PATJ: variants seen among roughly 807,000 people sequenced by gnomAD.
PATJ encodes the protein PATJ crumbs cell polarity complex component.
PATJ carries 190 observed loss-of-function variants against 224.9 expected under a neutral mutation model. The observed-to-expected ratio is 0.84, with a 90% CI of 0.75 to 0.95. The LOEUF (loss-of-function observed/expected upper bound fraction) is 0.95. Ranked by LOEUF, PATJ falls within the 40% of genes least tolerant of loss-of-function variation. The pLI, the probability that PATJ is intolerant of heterozygous loss-of-function variation, is 0.00. For missense variants in PATJ, 2,121 were observed against 2,270.3 expected (o/e 0.93, Z 1.34); for synonymous variants, 769 against 820.3 (o/e 0.94, Z 1.07).
intron 30 of PATJ, among the ~76,000 whole-genome samples, chr1:62,041,473 G>A (rs1198340922): frequency 6.6e-6 from 1 of 152,146 alleles, no homozygotes; most frequent in South Asian, 2.1e-4. Context: ...TGGATGAAGT[G>A]TTGGTATTGG....
At chr1:61,743,315 A>G (rs747250251) in intron 1 of PATJ, among the ~76,000 whole-genome samples, 3 of 152,254 alleles carry the variant, frequency 2.0e-5, no homozygotes, top group Admixed American at 1.3e-4. Flanking sequence ...AAAGCGCCCC[A>G]GCCGTCCCGC....
chr1:62,066,197 T>C (rs369137029), intron 31 of PATJ, among the ~76,000 whole-genome samples: 51 of 152,328 alleles, frequency 3.3e-4, no homozygotes, highest in African/African-American at 1.2e-3. Flanking sequence ...ATGCATTCTA[T>C]AGGCATTATT....
chr1:61,982,460 C>T (rs1644500486), intron 27 of PATJ, among the ~76,000 whole-genome samples: 1 of 151,978 alleles, frequency 6.6e-6, no homozygotes, highest in African/African-American at 2.4e-5. Flanking sequence ...CAGGTCACCT[C>T]AGTTCTCTGA....
chr1:61,758,093 T>C (rs762764088), intron 1 of PATJ, among the ~76,000 whole-genome samples: 1 of 152,188 alleles, frequency 6.6e-6, no homozygotes, highest in Non-Finnish European at 1.5e-5. Context: ...AAGGGTTGGA[T>C]TGTCAAAGCA....
chr1:61,821,377 T>G (rs993721711), intron 14 of PATJ, among the ~76,000 whole-genome samples: 2 of 152,210 alleles, frequency 1.3e-5, no homozygotes, highest in Non-Finnish European at 2.9e-5. Context: ...TTTAGAGAAC[T>G]AGAACATCTT....
rs984288307 is a variant in PATJ at position 61,769,036 on chromosome 1, A to G, written c.385-247A>G. ...TTCCATCCAGCTTGGAATTCATCTC[A>G]TAATGTGAATGAAGTGTGAAAATAC... is the stretch of plus-strand genomic sequence containing the variant. On this transcript the variant is annotated intron_variant, in intron 4 of 43. Coordinates refer to ENST00000642238, the MANE Select transcript of PATJ (RefSeq NM_001350145.3). Among the ~76,000 whole-genome samples, 4 of 152,346 alleles carry G rather than the reference A, an allele frequency of 2.6e-5. No individual in the cohort carries two copies. The East Asian group carries it at 7.7e-4, about 29-fold the overall frequency.
rs112793058 is a variant in PATJ, at chr1:61,770,711, A to G, written c.525-720A>G. ...AATCCCAGCACTTTGGGAGTTCAAG[A>G]TCAGCCTGGGTAACATAGCAAAACC... On this transcript the variant is annotated intron_variant, in intron 5 of 43. Coordinates refer to ENST00000642238, the MANE Select transcript of PATJ (RefSeq NM_001350145.3). Among the ~76,000 whole-genome samples, 894 of 152,162 alleles carry G rather than the reference A, an allele frequency of 5.9e-3. 3 individuals are homozygous for G. Among genetic ancestry groups the G allele is most frequent in the Non-Finnish European group, 8.4e-3 (570 of 68,002 alleles).
At chr1:62,157,206 C>A (rs931215958) in intron 43 of PATJ, among the ~76,000 whole-genome samples, 21 of 151,680 alleles carry the variant, frequency 1.4e-4, no homozygotes, top group Middle Eastern at 6.8e-3. Flanking sequence ...TGCCTGTAAT[C>A]CAAGCTACTC....
intron 17 of PATJ, among the ~76,000 whole-genome samples, chr1:61,837,979 C>A (rs1660453402): frequency 6.6e-6 from 1 of 152,052 alleles, no homozygotes; most frequent in Non-Finnish European, 1.5e-5. Flanking sequence ...CACAGTTCTA[C>A]AACTGAGTCA....
chr1:61,864,524 G>A lies in PATJ; in HGVS notation c.2726G>A (p.Gly909Asp), dbSNP rs866661857. 6.2e-7 allele frequency: 1 copy of A among 1,613,674 alleles called. No homozygotes were observed. The stretch of plus-strand genomic sequence containing the variant: ...CCCTCTGTGAATGAACTTCACTTTG[G>A]TACACAGTGGTTGCATGATAATGAA... Reference protein sequence around the residue: ...PVPSVNELHFGTQWLHDNEPS... With the variant: ...PVPSVNELHFDTQWLHDNEPS... Residue 909 changes from glycine (G) to aspartate (D), a missense_variant, in exon 20 of 44, where the codon GGT becomes GAT. Gly to Asp is a moderately conservative substitution (Grantham distance 94, BLOSUM62 -1). Coordinates refer to ENST00000642238, the MANE Select transcript of PATJ (RefSeq NM_001350145.3).
intron 29 of PATJ, among the ~76,000 whole-genome samples, chr1:62,025,344 A>G (rs1305265829): frequency 6.6e-6 from 1 of 152,152 alleles, no homozygotes; most frequent in Non-Finnish European, 1.5e-5. Flanking sequence ...TGAGATTACC[A>G]TGATTATCAA....
intron 42 of PATJ, among the ~76,000 whole-genome samples, chr1:62,149,138 A>AG: frequency 6.7e-6 from 1 of 149,502 alleles, no homozygotes; most frequent in East Asian, 2.0e-4. Flanking sequence ...CAAAAAAAAA[A>AG]AAAAAAAAAG....
chr1:61,873,526 T>G (rs1233562684), intron 20 of PATJ, among the ~76,000 whole-genome samples: 2 of 152,240 alleles, frequency 1.3e-5, no homozygotes, highest in Non-Finnish European at 2.9e-5. Context: ...GTTTTCTATC[T>G]TAGTCTGTTT....
At position 61,934,970 on chromosome 1, in the gene PATJ, T is replaced by C. The variant is rs1479337361; in HGVS notation, c.3670+7141T>C. 2.0e-5 allele frequency among the ~76,000 whole-genome samples: 3 copies of C among 152,330 alleles called. No homozygotes were observed. The East Asian group carries it at 5.8e-4, about 29-fold the overall frequency. ...TCCCCACATGCCATTTCCTACCTTA[T>C]CTAAAAGCTTCAGTCTCCTGAGAGA... On this transcript the variant is annotated intron_variant, in intron 27 of 43. Coordinates refer to ENST00000642238, the MANE Select transcript of PATJ (RefSeq NM_001350145.3).
chr1:61,945,248 G>A (rs1678490992), intron 27 of PATJ, among the ~76,000 whole-genome samples: 1 of 152,064 alleles, frequency 6.6e-6, no homozygotes, highest in Non-Finnish European at 1.5e-5. Context: ...AATGTAAATG[G>A]GCTAAATGCT....
intron 33 of PATJ, among the ~76,000 whole-genome samples, chr1:62,096,264 C>A (rs1661384098): frequency 4.1e-4 from 1 of 2,442 alleles, no homozygotes; most frequent in Non-Finnish European, 6.2e-4. Flanking sequence ...CAAATTTCTA[C>A]CACTGTACAT....
chr1:61,797,671 G>A (rs1234980324), intron 11 of PATJ, among the ~76,000 whole-genome samples: 1 of 152,186 alleles, frequency 6.6e-6, no homozygotes, highest in African/African-American at 2.4e-5. Context: ...TCTAAATGGA[G>A]TTGAAAATCA....
At chr1:61,951,740 G>A (rs930315666) in intron 27 of PATJ, among the ~76,000 whole-genome samples, 5 of 151,918 alleles carry the variant, frequency 3.3e-5, no homozygotes, top group Admixed American at 2.0e-4. Flanking sequence ...AATGAATCTC[G>A]CTAGGGGAGA....
At chr1:61,854,892 C>A (rs984120596) in intron 17 of PATJ, among the ~76,000 whole-genome samples, 1 of 152,148 alleles carries the variant, frequency 6.6e-6, no homozygotes, top group African/African-American at 2.4e-5. Flanking sequence ...TGGGGCTCTC[C>A]CAACGGGTGA....
Sources: allele counts gnomAD v4.1 joint callset (sites outside exome capture counted in the v4.1 genomes callset), GRCh38; gene constraint gnomAD v4.1.1; transcripts MANE v1.5; gene names NCBI Gene and HGNC (gene_info 2026-07-23, HGNC 2026-07-21).